The following ELOA variants were observed in gnomAD, a reference collection of about 807,000 sequenced individuals.
ELOA encodes elongin A.
A neutral mutation model predicts 85.2 loss-of-function variants in ELOA; 15 were observed. The observed-to-expected ratio is 0.18, with a 90% CI of 0.12 to 0.27. ELOA has a LOEUF of 0.27. ELOA is among the 10% of genes least tolerant of loss of function. The pLI, the probability that ELOA is intolerant of heterozygous loss-of-function variation, is 1.00. For synonymous variants in ELOA, 348 were observed against 357.2 expected (o/e 0.97, Z 0.29); for missense variants, 769 against 952.7 (o/e 0.81, Z 2.54).
chr1:23,759,534 G>A lies in ELOA; in HGVS notation c.2280G>A (p.Lys760=). The change falls in exon 11 of 11, where the codon AAG becomes AAA. Residue 760 remains lysine, a synonymous_variant. Coordinates refer to ENST00000613537, the MANE Select transcript of ELOA (RefSeq NM_003198.3). The part of the protein sequence containing the change: ...TVKKIAPMMA[K]TIKAFKNRFS... The stretch of plus-strand genomic sequence containing the variant: ...CAGAAATTGCCCCAATGATGGCCAA[G>A]ACAATTAAAGCTTTCAAGAACAGAT... 6.2e-7 allele frequency: 1 copy of A among 1,614,236 alleles called. No individual in the cohort carries two copies. Among genetic ancestry groups the A allele is most frequent in the Non-Finnish European group, 8.5e-7 (1 of 1,180,050 alleles).
At chr1:23,746,869 T>A (rs1461046154) in intron 1 of ELOA, among the ~76,000 whole-genome samples, 1 of 152,214 alleles carries the variant, frequency 6.6e-6, no homozygotes, top group African/African-American at 2.4e-5. Flanking sequence ...CACCTGAGGA[T>A]GCCCAATGTG....
intron 7 of ELOA, among the ~76,000 whole-genome samples, chr1:23,754,981 G>A (rs940451481): frequency 1.0e-4 from 15 of 144,252 alleles, no homozygotes; most frequent in Admixed American, 2.8e-4. Context: ...CTGTTGCTTC[G>A]ACTGCAGTAC....
intron 10 of ELOA, 88 bp from the exon 11 acceptor site, chr1:23,759,424 T>C: frequency 7.6e-7 from 1 of 1,307,330 alleles, no homozygotes; most frequent in African/African-American, 1.5e-5. Flanking sequence ...CAGCCAAGAA[T>C]AGCAGAGCTG....
intron 3 of ELOA, among the ~76,000 whole-genome samples, chr1:23,750,239 G>A (rs1163537290): frequency 7.1e-6 from 1 of 141,650 alleles, no homozygotes; most frequent in South Asian, 2.2e-4. Context: ...GCAGTGGCGT[G>A]ATCTCGGCTC....
At chr1:23,752,709 G>A (rs914359188) in intron 5 of ELOA, among the ~76,000 whole-genome samples, 191 bp downstream of exon 5, 5 of 152,064 alleles carry the variant, frequency 3.3e-5, no homozygotes, top group East Asian at 1.9e-4. Context: ...TTGGGAGGCC[G>A]AGGCGGGCAG....
In ELOA at chr1:23,751,090, C is replaced by T; in HGVS notation, c.485C>T (p.Ser162Leu). Residue 162 changes from serine (S) to leucine (L), a missense_variant, in exon 4 of 11, where the codon TCA becomes TTA. By Grantham distance (145) the Ser-to-Leu change is moderately radical. Transcript: ENST00000613537. ...GAGAGAAAGAGGTGTCACAGAATGT[C>T]ACCAACTTACTCTTCAGACCCTGAG... ...RDERKRCHRM[S>L]PTYSSDPESS... The T allele has an allele frequency of 6.2e-7, 1 of 1,614,116 alleles. No individual in the cohort carries two copies. The highest frequency in any genetic ancestry group is 8.5e-7 in the Non-Finnish European group (1 of 1,180,038).
At chr1:23,744,439 T>C (rs531424012) in intron 1 of ELOA, among the ~76,000 whole-genome samples, 1 of 152,098 alleles carries the variant, frequency 6.6e-6, no homozygotes, top group Non-Finnish European at 1.5e-5. Context: ...AGTCTGGTGG[T>C]TGTCAGGATT....
chr1:23,743,809 G>T (rs1034446033), intron 1 of ELOA, among the ~76,000 whole-genome samples: 1 of 152,124 alleles, frequency 6.6e-6, no homozygotes, highest in Non-Finnish European at 1.5e-5. Flanking sequence ...GGCCCGGGAT[G>T]GGGGCGCGCC....
At position 23,751,964 on chromosome 1, in the gene ELOA, AT is replaced by A; in HGVS notation, c.1361del (p.Leu454TyrfsTer4). 1 of 1,611,868 alleles carries A rather than the reference AT, an allele frequency of 6.2e-7. No individual in the cohort carries two copies. The highest frequency in any genetic ancestry group is 8.5e-7 in the Non-Finnish European group (1 of 1,179,568). On this transcript the variant is annotated frameshift_variant, in exon 4 of 11. Coordinates refer to ENST00000613537, the MANE Select transcript of ELOA (RefSeq NM_003198.3). LOFTEE classifies it high-confidence loss of function. ...GTAAAAACTTGGACTCAGTTCAGAAATTACCCAAGGTGAACAAAACCAAGTC... is the reference window on the plus strand; with the variant it reads ...GTAAAAACTTGGACTCAGTTCAGAAATACCCAAGGTGAACAAAACCAAGTC... ...TGKNLDSVQK[L>X]PKVNKTKSEK...
chr1:23,756,071 TG>T, intron 8 of ELOA, 48 bp downstream of exon 8: 2 of 1,594,584 alleles, frequency 1.3e-6, no homozygotes, highest in South Asian at 2.3e-5. Flanking sequence ...ATGAGTGTTC[TG>T]GTCAATAGCA....
intron 1 of ELOA, 94 bp from the exon 2 acceptor site, chr1:23,748,921 TATACTC>T (rs1192531466): frequency 2.5e-5 from 22 of 888,700 alleles, no homozygotes; most frequent in Admixed American, 5.9e-5. Context: ...GCATAATACT[TATACTC>T]ATTACTGTAA....
At chr1:23,756,643 C>T (rs1326800754) in intron 9 of ELOA, among the ~76,000 whole-genome samples, 1 of 152,190 alleles carries the variant, frequency 6.6e-6, no homozygotes, top group Non-Finnish European at 1.5e-5. Context: ...GAAACATTCC[C>T]TTATGCTTTC....
At chr1:23,758,552 C>T (rs535959310) in intron 10 of ELOA, among the ~76,000 whole-genome samples, 12 of 149,238 alleles carry the variant, frequency 8.0e-5, no homozygotes, top group South Asian at 4.3e-4. Flanking sequence ...GGATTACCAG[C>T]GTGAACCACC....
intron 1 of ELOA, among the ~76,000 whole-genome samples, chr1:23,745,725 A>G (rs1209178311): frequency 6.6e-6 from 1 of 152,220 alleles, no homozygotes; most frequent in African/African-American, 2.4e-5. Flanking sequence ...ACCTTCTGGT[A>G]ACCTAACAAG....
rs1644797268 is a variant in ELOA at position 23,757,029 on chromosome 1, G to A, written c.2161G>A (p.Glu721Lys). Residue 721 changes from glutamate to lysine, a missense_variant, in exon 10 of 11, where the codon GAG (glutamate) becomes AAG (lysine). By Grantham distance (56) the Glu-to-Lys change is moderately conservative. This residue lies in a region of ELOA where 116 missense variants were observed against 141.0 expected (regional missense o/e 0.82). Coordinates refer to ENST00000613537, the MANE Select transcript of ELOA (RefSeq NM_003198.3). ...CATCAGCTTTAACCCCAGCCCTGAG[G>A]AGCCGGCCTATGATGGCCCAAGCAC... is the stretch of plus-strand genomic sequence containing the variant. ...SSISFNPSPE[E>K]PAYDGPSTSS... 6.2e-7 allele frequency: 1 copy of A among 1,611,220 alleles called. No homozygotes were observed. The highest frequency in any genetic ancestry group is 1.7e-4 in the Middle Eastern group (1 of 6,054).
chr1:23,751,076 G>C lies in ELOA; in HGVS notation c.471G>C (p.Arg157Ser), dbSNP rs771121488. The C allele has an allele frequency of 1.2e-5, 20 of 1,614,060 alleles. No individual in the cohort carries two copies. In the Middle Eastern group the frequency reaches 4.9e-4, roughly 40 times the overall value. ...ATGAGAGGAGAGATGAGAGAAAGAG[G>C]TGTCACAGAATGTCACCAACTTACT... ...HGHERRDERKRCHRMSPTYSS... is the reference protein window; with the variant it reads ...HGHERRDERKSCHRMSPTYSS... The change falls in exon 4 of 11, where the codon AGG becomes AGC. Residue 157 changes from arginine to serine, a missense_variant. This residue lies in a region of ELOA where 440 missense variants were observed against 474.0 expected (regional missense o/e 0.93). Transcript: ENST00000613537.
At chr1:23,752,861 T>C (rs1244606748) in intron 5 of ELOA, among the ~76,000 whole-genome samples, 1 of 152,044 alleles carries the variant, frequency 6.6e-6, no homozygotes, top group East Asian at 1.9e-4. Context: ...GAGAATTGCT[T>C]GAACCTGGGA....
chr1:23,752,287 C>T, intron 4 of ELOA, 120 bp from the exon 5 acceptor site: 1 of 965,988 alleles, frequency 1.0e-6, no homozygotes, highest in Non-Finnish European at 1.6e-6. Context: ...TGACTGTGGC[C>T]CCCTCCAACC....
At chr1:23,759,457 G>A (rs1638263025) in intron 10 of ELOA, 55 bp from the exon 11 acceptor site, 1 of 1,569,306 alleles carries the variant, frequency 6.4e-7, no homozygotes, top group South Asian at 1.1e-5. Flanking sequence ...AACTACTGGG[G>A]GTGTGTCTAA....
Sources: allele counts gnomAD v4.1 joint callset (sites outside exome capture counted in the v4.1 genomes callset), GRCh38; gene constraint gnomAD v4.1.1; regional missense constraint gnomAD v4.1.1; transcripts MANE v1.5; gene names NCBI Gene and HGNC (gene_info 2026-07-23, HGNC 2026-07-21).